Variants in TPCN2 observed in about 807,000 individuals in gnomAD.
TPCN2 encodes two pore segment channel 2.
TPCN2 carries 92 observed loss-of-function variants against 111.4 expected under a neutral mutation model. The ratio of observed to expected loss-of-function variants is 0.83; its 90% CI spans 0.70 to 0.98. The LOEUF (loss-of-function observed/expected upper bound fraction) is 0.98, where lower values mean the gene tolerates loss of function less well. Ranked by LOEUF, TPCN2 falls within the 50% of genes least tolerant of loss-of-function variation. The probability of loss-of-function intolerance (pLI) is 0.00; values close to 1 mark genes in which losing one functional copy is unlikely to be tolerated. For synonymous variants in TPCN2, 405 were observed against 414.5 expected (o/e 0.98, Z 0.28); for missense variants, 995 against 980.1 (o/e 1.02, Z -0.20).
In TPCN2 at chr11:69,084,689, G is replaced by C. The variant is rs993574174; in HGVS notation, c.1762-521G>C. 2.2e-4 allele frequency: 216 copies of C among 985,316 alleles called. 1 individual carries two copies. Among genetic ancestry groups the C allele is most frequent in the Non-Finnish European group, 4.5e-5 (37 of 829,940 alleles). 61.0% of individuals were successfully genotyped at this position (985,316 alleles called of 1,614,324 possible). A position where few individuals can be genotyped will look rare whatever the true frequency, so the allele number is the denominator to read the frequency against. On this transcript the variant is annotated intron_variant, in intron 19 of 24. Transcript: ENST00000294309. The stretch of plus-strand genomic sequence containing the variant: ...TGACCACCTTGACGTAGGGACCACT[G>C]GGGTGAGAAGGTGTCTCTGGGGCCG...
chr11:69,064,587 G>A (rs1388575039), intron 7 of TPCN2, among the ~76,000 whole-genome samples: 2 of 152,198 alleles, frequency 1.3e-5, no homozygotes, highest in African/African-American at 4.8e-5. Context: ...CTATGTGTTT[G>A]TCCTCCTGTC....
chr11:69,058,759 T>C (rs1854886555), intron 5 of TPCN2, among the ~76,000 whole-genome samples: 1 of 152,214 alleles, frequency 6.6e-6, no homozygotes. Context: ...TCTCCCTGAC[T>C]CGGCAGCTTC....
rs968029160 is a variant in TPCN2, at chr11:69,049,212, G to C, written c.109+106G>C. 11 of 760,016 alleles carry C rather than the reference G, an allele frequency of 1.4e-5. No individual in the cohort carries two copies. In the African/African-American group the frequency reaches 1.8e-4, roughly 13 times the overall value. 47.1% of individuals were successfully genotyped at this position (760,016 alleles called of 1,614,324 possible). A position where few individuals can be genotyped will look rare whatever the true frequency, so the allele number is the denominator to read the frequency against. Reference sequence around the variant, plus strand: ...CTTTCTGCCGGGCGCGCCCCCACCAGGTTCGAGTCCGAGCGGGGCCCGGGC... The same window carrying C: ...CTTTCTGCCGGGCGCGCCCCCACCACGTTCGAGTCCGAGCGGGGCCCGGGC... On this transcript the variant is annotated intron_variant, in intron 1 of 24. Transcript: ENST00000294309.
chr11:69,064,464 G>A lies in TPCN2; in HGVS notation c.726+497G>A, dbSNP rs1295580419. ...TACTGGGAGGGCCCTCACCTCCCAC[G>A]CCCTCTCCTGCCACTAGTCTCTCCC... On this transcript the variant is annotated intron_variant, in intron 7 of 24. Transcript: ENST00000294309. Among the ~76,000 whole-genome samples the A allele has an allele frequency of 3.3e-5, 5 of 152,034 alleles. No homozygotes were observed. The South Asian group carries it at 6.2e-4, about 19-fold the overall frequency.
At chr11:69,067,654 TG>T in intron 8 of TPCN2, 49 bp downstream of exon 8, 3 of 1,580,990 alleles carry the variant, frequency 1.9e-6, no homozygotes, top group South Asian at 1.1e-5. Flanking sequence ...AGCCCAGCAC[TG>T]GGGGGCCGGT....
At chr11:69,064,031 C>A in intron 7 of TPCN2, 64 bp downstream of exon 7, 1 of 1,518,492 alleles carries the variant, frequency 6.6e-7, no homozygotes, top group Non-Finnish European at 9.1e-7. Context: ...ACAGAGGGGG[C>A]TGGGCTGGTG....
intron 7 of TPCN2, 135 bp from the exon 8 acceptor site, chr11:69,067,368 G>C: frequency 1.3e-6 from 1 of 796,524 alleles, no homozygotes; most frequent in Non-Finnish European, 2.1e-6. Context: ...CATGAGCTCA[G>C]CCTGCTGGGA....
chr11:69,085,598 G>A, intron 20 of TPCN2, 73 bp from the exon 21 acceptor site: 1 of 1,018,626 alleles, frequency 9.8e-7, no homozygotes, highest in Non-Finnish European at 1.5e-6. Flanking sequence ...GCCAGCAGAG[G>A]AAAGGGGTGT....
intron 9 of TPCN2, among the ~76,000 whole-genome samples, chr11:69,070,976 A>G (rs1855504101): frequency 7.8e-6 from 1 of 128,474 alleles, no homozygotes; most frequent in Admixed American, 8.2e-5. Flanking sequence ...CCCCGCCAAC[A>G]GGTTCACCCC....
Position 69,088,013 on chromosome 11 carries a change from C to T in TPCN2, c.*60C>T. On this transcript the variant is annotated 3_prime_UTR_variant, in exon 25 of 25. Coordinates refer to ENST00000294309, the MANE Select transcript of TPCN2 (RefSeq NM_139075.4). Reference sequence around the variant, plus strand: ...GAGAGAGGCTGGCCTACACAGGTGCCCGTCATGGAAGAGGCGGCCATGCTG... The same window carrying T: ...GAGAGAGGCTGGCCTACACAGGTGCTCGTCATGGAAGAGGCGGCCATGCTG... 4.7e-6 allele frequency: 7 copies of T among 1,485,814 alleles called. No individual in the cohort carries two copies. Among genetic ancestry groups the T allele is most frequent in the Non-Finnish European group, 6.4e-6 (7 of 1,094,646 alleles). 92.0% of individuals were successfully genotyped at this position (1,485,814 alleles called of 1,614,324 possible). A position where few individuals can be genotyped will look rare whatever the true frequency, so the allele number is the denominator to read the frequency against.
Position 69,055,226 on chromosome 11 carries a change from C to G in TPCN2, c.303C>G (p.Thr101=), listed in dbSNP as rs142221271. 46 of 1,614,156 alleles carry G rather than the reference C, an allele frequency of 2.8e-5. No individual in the cohort carries two copies. The highest frequency in any genetic ancestry group is 3.8e-5 in the Non-Finnish European group (45 of 1,180,058). ...TCCTGTTTTTGGCTTTTATCGAGAC[C>G]CCATCCTCACTCACCAGCACGGCGG... ...FLILFLAFIE[T]PSSLTSTADV... is the part of the protein sequence containing the mutation. Residue 101 remains threonine, a synonymous_variant, in exon 4 of 25, where the codon ACC becomes ACG. Transcript: ENST00000294309.
rs2134656529 is a variant in TPCN2, at chr11:69,090,541, T to C, written c.*2588T>C. ...ACAATCAGCAACAGCAAAATCTACATGCTGCTGAGGGTCCTGCCTCATTAA... is the reference window on the plus strand; with the variant it reads ...ACAATCAGCAACAGCAAAATCTACACGCTGCTGAGGGTCCTGCCTCATTAA... On this transcript the variant is annotated 3_prime_UTR_variant, in exon 25 of 25. Transcript: ENST00000294309. 1 of 152,312 alleles carries C rather than the reference T, an allele frequency of 6.6e-6. No homozygotes were observed. Among genetic ancestry groups the C allele is most frequent in the South Asian group, 2.1e-4 (1 of 4,824 alleles). 9.4% of individuals were successfully genotyped at this position (152,312 alleles called of 1,614,324 possible). A position where few individuals can be genotyped will look rare whatever the true frequency, so the allele number is the denominator to read the frequency against.
In TPCN2 at chr11:69,086,593, C is replaced by G; in HGVS notation, c.2074C>G (p.Leu692Val). 2 of 1,614,056 alleles carry G rather than the reference C, an allele frequency of 1.2e-6. No homozygotes were observed. Among genetic ancestry groups the G allele is most frequent in the Non-Finnish European group, 1.7e-6 (2 of 1,179,974 alleles). The change falls in exon 23 of 25, where the codon CTG (leucine) becomes GTG (valine). Residue 692 changes from leucine (L) to valine (V), a missense_variant. Leu to Val is a conservative substitution (Grantham distance 32, BLOSUM62 1). Transcript: ENST00000294309. The stretch of plus-strand genomic sequence containing the variant: ...CATCTGGGTCAACCTGTTTCTGGCC[C>G]TGATTCTGGAGGTATCAGAGATCCC... The part of the protein sequence containing the change: ...SVIWVNLFLA[L>V]ILENFLHKWD...
intron 8 of TPCN2, among the ~76,000 whole-genome samples, chr11:69,067,942 T>C (rs889236922): frequency 1.1e-4 from 16 of 152,176 alleles, no homozygotes; most frequent in African/African-American, 3.6e-4. Flanking sequence ...CTGGTGTTCT[T>C]CATAGGGCGA....
chr11:69,073,140 G>A (rs1855611776), intron 13 of TPCN2, 139 bp downstream of exon 13: 4 of 637,004 alleles, frequency 6.3e-6, no homozygotes, highest in African/African-American at 5.5e-5. Flanking sequence ...ATGGGAACTG[G>A]GAATGGAGTT....
At position 69,078,775 on chromosome 11, in the gene TPCN2, T is replaced by A. The variant is rs1204646637; in HGVS notation, c.1392T>A (p.Arg464=). 6.2e-7 allele frequency: 1 copy of A among 1,614,050 alleles called. No individual in the cohort carries two copies. Among genetic ancestry groups the A allele is most frequent in the East Asian group, 2.2e-5 (1 of 44,876 alleles). Residue 464 remains arginine, a synonymous_variant, in exon 15 of 25, where the codon CGT becomes CGA. Coordinates refer to ENST00000294309, the MANE Select transcript of TPCN2 (RefSeq NM_139075.4). ...VLDADVLPAE[R]DDFILGILNC... Reference sequence around the variant, plus strand: ...ATGCAGATGTGCTGCCTGCTGAGCGTGATGACTTCATCCTGGGGGTAAGTT... The same window carrying A: ...ATGCAGATGTGCTGCCTGCTGAGCGAGATGACTTCATCCTGGGGGTAAGTT...
chr11:69,084,080 G>A (rs1856162362), intron 19 of TPCN2, 64 bp downstream of exon 19: 1 of 1,538,526 alleles, frequency 6.5e-7, no homozygotes. Flanking sequence ...GAGGCTGGCG[G>A]AAGGCAGTGC....
chr11:69,086,333 C>T (rs558884230), intron 22 of TPCN2, among the ~76,000 whole-genome samples, 190 bp from the exon 23 acceptor site: 39 of 152,336 alleles, frequency 2.6e-4, no homozygotes, highest in Non-Finnish European at 4.6e-4. Flanking sequence ...TTAGCTACCT[C>T]GGCAGCTTGT....
chr11:69,080,209 T>C (rs777816391), intron 17 of TPCN2, among the ~76,000 whole-genome samples: 1 of 152,226 alleles, frequency 6.6e-6, no homozygotes, highest in Non-Finnish European at 1.5e-5. Context: ...GAGATGCCCC[T>C]GGCTCAGGTC....
Sources: gnomAD v4.1 joint callset for allele counts (sites outside exome capture counted in the v4.1 genomes callset) on GRCh38, gnomAD v4.1.1 for gene constraint, MANE v1.5 for transcripts, NCBI Gene and HGNC (gene_info 2026-07-23, HGNC 2026-07-21) for gene names.